The following PDE10A variants were observed in gnomAD, a reference collection of about 807,000 sequenced individuals.
The protein encoded by PDE10A is cAMP and cAMP-inhibited cGMP 3',5'-cyclic phosphodiesterase 10A.
In PDE10A, 39 loss-of-function variants were observed where a neutral mutation model predicts 97.7. That is an observed-to-expected ratio of 0.40 (90% CI 0.31 to 0.52). PDE10A has a LOEUF of 0.52. Ranked by LOEUF, PDE10A falls within the 20% of genes least tolerant of loss-of-function variation. The pLI is 0.56. For missense variants in PDE10A, 731 were observed against 1,047.8 expected (o/e 0.70, Z 4.17); for synonymous variants, 371 against 376.8 (o/e 0.98, Z 0.18).
intron 2 of PDE10A, among the ~76,000 whole-genome samples, chr6:165,485,423 A>G (rs1752965): frequency 0.29 from 42,922 of 147,874 alleles, 6,647 homozygotes; most frequent in African/African-American, 0.39. Context: ...AGCCAAGGTC[A>G]CATGACTGCA....
At chr6:165,985,203 G>C (rs189896188) in intron 1 of PDE10A, among the ~76,000 whole-genome samples, 3 of 152,310 alleles carry the variant, frequency 2.0e-5, no homozygotes, top group East Asian at 3.9e-4. Flanking sequence ...CCACAGCTTA[G>C]CCAACAACAA....
chr6:165,764,510 T>G (rs1777758084), intron 1 of PDE10A, among the ~76,000 whole-genome samples: 1 of 144,504 alleles, frequency 6.9e-6, no homozygotes, highest in African/African-American at 2.6e-5. Flanking sequence ...TTACAGCTCT[T>G]AAGGTGGTGT....
chr6:165,982,460 G>T (rs1249617303), intron 1 of PDE10A, among the ~76,000 whole-genome samples: 1 of 152,154 alleles, frequency 6.6e-6, no homozygotes. Flanking sequence ...AAAACTAGAA[G>T]ACAAAGCAAG....
chr6:165,961,364 A>C (rs1784355641), intron 1 of PDE10A, among the ~76,000 whole-genome samples: 1 of 152,198 alleles, frequency 6.6e-6, no homozygotes, highest in Non-Finnish European at 1.5e-5. Flanking sequence ...TGCTTCCTAC[A>C]GTCCTGTCCT....
At chr6:165,987,106 C>T (rs903036745) in intron 1 of PDE10A, among the ~76,000 whole-genome samples, 1 of 152,130 alleles carries the variant, frequency 6.6e-6, no homozygotes, top group African/African-American at 2.4e-5. Context: ...ATCCCTTCTC[C>T]AGGCCGCCTC....
At chr6:165,911,793 A>C (rs993380940) in intron 1 of PDE10A, among the ~76,000 whole-genome samples, 1 of 152,152 alleles carries the variant, frequency 6.6e-6, no homozygotes, top group African/African-American at 2.4e-5. Context: ...ACCTGCAAAC[A>C]TGCACCAGAG....
intron 1 of PDE10A, among the ~76,000 whole-genome samples, chr6:165,787,403 G>C (rs1778525731): frequency 6.6e-6 from 1 of 152,152 alleles, no homozygotes; most frequent in Non-Finnish European, 1.5e-5. Context: ...CTCTGGCCTG[G>C]TGAGCATGTA....
intron 1 of PDE10A, among the ~76,000 whole-genome samples, chr6:165,918,223 T>A (rs1279978192): frequency 6.6e-6 from 1 of 152,216 alleles, no homozygotes; most frequent in Non-Finnish European, 1.5e-5. Flanking sequence ...AAGAGCCAGG[T>A]TCACAGCAAA....
In PDE10A at chr6:165,568,600, T is replaced by C. The variant is rs186339172; in HGVS notation, c.866-25032A>G. 2.2e-4 allele frequency among the ~76,000 whole-genome samples: 33 copies of C among 152,270 alleles called. 1 individual carries two copies. The highest frequency in any genetic ancestry group is 1.9e-3 in the East Asian group (10 of 5,150). On this transcript the variant is annotated intron_variant, in intron 1 of 21. Transcript: ENST00000539869. ...ATCTTGCTTATCAGATCAACTGTCA[T>C]GGTATCCCAGTGTCTGTGTTCAAGT...
At chr6:165,447,257 T>A (rs1790919022) in intron 5 of PDE10A, among the ~76,000 whole-genome samples, 1 of 152,220 alleles carries the variant, frequency 6.6e-6, no homozygotes. Flanking sequence ...GTCTCTATTC[T>A]CTTTCCACAG....
At chr6:165,790,649 G>C (rs9348047) in intron 1 of PDE10A, among the ~76,000 whole-genome samples, 77,477 of 151,626 alleles carry the variant, frequency 0.51, 20,364 homozygotes, top group Middle Eastern at 0.59. Context: ...TTTCCTAATG[G>C]GCTGTGTTGA....
chr6:165,810,471 A>T (rs1779250557), intron 1 of PDE10A, among the ~76,000 whole-genome samples: 2 of 152,088 alleles, frequency 1.3e-5, no homozygotes, highest in South Asian at 4.1e-4. Context: ...TCACCATCAC[A>T]TCCTCAGAGC....
At chr6:165,969,867 A>G (rs705801) in intron 1 of PDE10A, among the ~76,000 whole-genome samples, 114,174 of 152,072 alleles carry the variant, frequency 0.75, 43,099 homozygotes, top group East Asian at 0.97. Flanking sequence ...TCAGCAAGTG[A>G]ATAATTGAAG....
intron 16 of PDE10A, among the ~76,000 whole-genome samples, chr6:165,391,965 G>A (rs3799168): frequency 0.3 from 44,900 of 152,056 alleles, 7,569 homozygotes; most frequent in Middle Eastern, 0.37. Flanking sequence ...CCTCTAAGGT[G>A]TCAGTAGATA....
chr6:165,420,345 A>T (rs2128231570), intron 10 of PDE10A, among the ~76,000 whole-genome samples: 1 of 152,310 alleles, frequency 6.6e-6, no homozygotes, highest in South Asian at 2.1e-4. Flanking sequence ...CCTTTACAAA[A>T]AAAAGTTTGC....
At chr6:165,649,652 TGTCCA>T (rs1299556185) in intron 1 of PDE10A, among the ~76,000 whole-genome samples, 3 of 152,144 alleles carry the variant, frequency 2.0e-5, no homozygotes, top group Non-Finnish European at 4.4e-5. Context: ...CTGCCCCTGC[TGTCCA>T]GTCAACTAAT....
At chr6:165,792,657 C>T (rs558571582) in intron 1 of PDE10A, among the ~76,000 whole-genome samples, 13 of 152,184 alleles carry the variant, frequency 8.5e-5, no homozygotes, top group South Asian at 2.1e-4. Flanking sequence ...GCCTTGAATG[C>T]GGTCCCGACG....
intron 17 of PDE10A, among the ~76,000 whole-genome samples, chr6:165,384,687 A>C (rs868688280): frequency 7.4e-6 from 1 of 135,148 alleles, no homozygotes; most frequent in Non-Finnish European, 1.6e-5. Context: ...GGGGCGACTA[A>C]AGGTTAGCTT....
chr6:165,714,342 T>C (rs1427467659), intron 1 of PDE10A, among the ~76,000 whole-genome samples: 1 of 152,196 alleles, frequency 6.6e-6, no homozygotes, highest in Admixed American at 6.5e-5. Context: ...AGTCACAGGT[T>C]TGCCGTTTGT....
Sources: allele counts gnomAD v4.1 joint callset (sites outside exome capture counted in the v4.1 genomes callset), GRCh38; gene constraint gnomAD v4.1.1; transcripts MANE v1.5; gene names NCBI Gene and HGNC (gene_info 2026-07-23, HGNC 2026-07-21).